The following FNDC3A variants were observed in gnomAD, a reference collection of about 807,000 sequenced individuals.
FNDC3A encodes the protein fibronectin type-III domain-containing protein 3A.
FNDC3A carries 32 observed loss-of-function variants against 148.9 expected under a neutral mutation model. That is an observed-to-expected ratio of 0.21 (90% confidence interval 0.16 to 0.29). The LOEUF (loss-of-function observed/expected upper bound fraction) is 0.29, where lower values mean the gene tolerates loss of function less well. Among genes scored for constraint, FNDC3A ranks in the 10% least tolerant of loss-of-function variants. The pLI, the probability that FNDC3A is intolerant of heterozygous loss-of-function variation, is 1.00. For missense variants in FNDC3A, 1,191 were observed against 1,452.8 expected (o/e 0.82, Z 2.93); for synonymous variants, 472 against 473.6 (o/e 1.00, Z 0.04).
intron 4 of FNDC3A, among the ~76,000 whole-genome samples, chr13:49,129,214 T>C (rs149555589): frequency 5.3e-5 from 8 of 152,328 alleles, no homozygotes; most frequent in South Asian, 4.1e-4. Context: ...AAGATTATTA[T>C]AGATTAAAGG....
chr13:49,201,208 CT>C (rs1205832662), intron 23 of FNDC3A: 3 of 288,588 alleles, frequency 1.0e-5, no homozygotes, highest in African/African-American at 6.7e-5. Flanking sequence ...TGATATTCAA[CT>C]TCATTGAACA....
intron 3 of FNDC3A, among the ~76,000 whole-genome samples, chr13:49,099,142 T>C (rs1879707651): frequency 1.3e-5 from 2 of 152,204 alleles, no homozygotes; most frequent in African/African-American, 4.8e-5. Flanking sequence ...ACATTTGTCT[T>C]GGATTTATCA....
At chr13:49,035,381 C>T (rs547107185) in intron 2 of FNDC3A, among the ~76,000 whole-genome samples, 1 of 152,008 alleles carries the variant, frequency 6.6e-6, no homozygotes, top group East Asian at 1.9e-4. Flanking sequence ...GATAATACCT[C>T]ATTATATTTT....
At chr13:49,008,383 G>T (rs1310799500) in intron 2 of FNDC3A, among the ~76,000 whole-genome samples, 1 of 152,156 alleles carries the variant, frequency 6.6e-6, no homozygotes, top group Non-Finnish European at 1.5e-5. Context: ...CCAAGTTATA[G>T]CTTACCTATG....
At chr13:49,008,634 T>G (rs1421361739) in intron 2 of FNDC3A, among the ~76,000 whole-genome samples, 1 of 152,186 alleles carries the variant, frequency 6.6e-6, no homozygotes, top group Non-Finnish European at 1.5e-5. Flanking sequence ...TATTTTCTGG[T>G]TTAGTACAGT....
At chr13:49,036,792 A>G (rs1874524888) in intron 2 of FNDC3A, among the ~76,000 whole-genome samples, 1 of 152,202 alleles carries the variant, frequency 6.6e-6, no homozygotes, top group Admixed American at 6.5e-5. Context: ...ATCTTGAAGG[A>G]TGAGTAGAGT....
At chr13:49,188,461 C>A in intron 16 of FNDC3A, 54 bp from the exon 17 acceptor site, 1 of 1,061,744 alleles carries the variant, frequency 9.4e-7, no homozygotes. Flanking sequence ...TCCATGATAC[C>A]AGAACGTTAA....
chr13:49,162,469 AG>A (rs1444322866), intron 8 of FNDC3A, among the ~76,000 whole-genome samples: 1 of 152,096 alleles, frequency 6.6e-6, no homozygotes, highest in Non-Finnish European at 1.5e-5. Flanking sequence ...AGATCATTTA[AG>A]GTCTTCTCTA....
chr13:49,101,137 T>C (rs915223195), intron 3 of FNDC3A, among the ~76,000 whole-genome samples: 5 of 152,164 alleles, frequency 3.3e-5, no homozygotes, highest in African/African-American at 9.6e-5. Flanking sequence ...GACAAAATTA[T>C]AGTTTCTAAT....
In FNDC3A at chr13:49,020,962, T is replaced by C. The variant is rs559039384; in HGVS notation, c.99+14673T>C. Among the ~76,000 whole-genome samples the C allele has an allele frequency of 1.9e-3, 296 of 152,286 alleles. 1 individual carries two copies. The highest frequency in any genetic ancestry group is 2.7e-3 in the Non-Finnish European group (186 of 68,020). The stretch of plus-strand genomic sequence containing the variant: ...AATGGATTAAATTTCAGGAAAAAGA[T>C]CTGATTCGAACCAGAGATGTAGAAA... On this transcript the variant is annotated intron_variant, in intron 2 of 25. Coordinates refer to ENST00000492622, the MANE Select transcript of FNDC3A (RefSeq NM_001079673.2).
chr13:48,980,935 G>A (rs1421022932), intron 1 of FNDC3A, among the ~76,000 whole-genome samples: 1 of 152,114 alleles, frequency 6.6e-6, no homozygotes, highest in African/African-American at 2.4e-5. Flanking sequence ...CAGAATCAGT[G>A]ATGCTTCTTT....
At position 49,149,393 on chromosome 13, in the gene FNDC3A, G is replaced by T. The variant is rs111466416; in HGVS notation, c.977+3458G>T. On this transcript the variant is annotated intron_variant, in intron 8 of 25. Transcript: ENST00000492622. ...ATGTCCCTTTAGTGCCTAGTTTGTT[G>T]AAAGATTTTATGAAGGGATGCTGAA... 6.5e-3 allele frequency among the ~76,000 whole-genome samples: 983 copies of T among 152,026 alleles called. 13 individuals carry two copies. Among genetic ancestry groups the T allele is most frequent in the African/African-American group, 0.023 (934 of 41,476 alleles).
rs1231985235 is a variant in FNDC3A at position 49,111,725 on chromosome 13, C to CAA, written c.176-2913_176-2912dup. On this transcript the variant is annotated intron_variant, in intron 3 of 25. Coordinates refer to ENST00000492622, the MANE Select transcript of FNDC3A (RefSeq NM_001079673.2). Reference sequence around the variant, plus strand: ...TGGGCAACAGAGTAAAACTCCGTCTCAAAAAAAAAAAAAAAAAATCTAACC... The same window carrying CAA: ...TGGGCAACAGAGTAAAACTCCGTCTCAAAAAAAAAAAAAAAAAAAATCTAACC... 5.7e-3 allele frequency among the ~76,000 whole-genome samples: 473 copies of CAA among 83,050 alleles called. 1 individual carries two copies. The highest frequency in any genetic ancestry group is 0.019 in the African/African-American group (427 of 22,660). 54.5% of individuals were successfully genotyped at this position (83,050 alleles called of 152,430 possible).
intron 3 of FNDC3A, among the ~76,000 whole-genome samples, chr13:49,077,784 T>C (rs143417057): frequency 6.6e-6 from 1 of 152,338 alleles, no homozygotes; most frequent in East Asian, 1.9e-4. Flanking sequence ...ATCCCACAAC[T>C]TAAAGTAAAA....
At chr13:49,116,602 C>T (rs1880977314) in intron 4 of FNDC3A, among the ~76,000 whole-genome samples, 1 of 152,012 alleles carries the variant, frequency 6.6e-6, no homozygotes, top group South Asian at 2.1e-4. Context: ...CGAGACCAGC[C>T]TGGTGAAACC....
At chr13:49,138,722 T>C (rs1882521065) in intron 6 of FNDC3A, 25 bp from the exon 7 acceptor site, 1 of 1,168,706 alleles carries the variant, frequency 8.6e-7, no homozygotes. Flanking sequence ...TTTTTTTAAA[T>C]ATTCAAATGT....
rs773434771 is a variant in FNDC3A, at chr13:49,187,087, T to TA, written c.1757-34dup. 8.0e-6 allele frequency: 12 copies of TA among 1,492,764 alleles called. No individual in the cohort carries two copies. The South Asian group carries it at 1.3e-4, about 16-fold the overall frequency. 92.5% of individuals were successfully genotyped at this position (1,492,764 alleles called of 1,614,324 possible). A position where few individuals can be genotyped will look rare whatever the true frequency, so the allele number is the denominator to read the frequency against. On this transcript the variant is annotated intron_variant, in intron 15 of 25. Transcript: ENST00000492622. ...TTTTTATCATTTTTATGTTGTTTTGTACCTTGCCTAATACTACTTTGCTTC... is the reference window on the plus strand; with the variant it reads ...TTTTTATCATTTTTATGTTGTTTTGTAACCTTGCCTAATACTACTTTGCTTC...
intron 3 of FNDC3A, among the ~76,000 whole-genome samples, chr13:49,101,495 T>G (rs956849131): frequency 1.3e-5 from 2 of 152,178 alleles, no homozygotes; most frequent in African/African-American, 4.8e-5. Context: ...ACTCTTTGTT[T>G]AGCTGAACGA....
At chr13:49,161,043 T>C (rs1477468765) in intron 8 of FNDC3A, among the ~76,000 whole-genome samples, 1 of 152,214 alleles carries the variant, frequency 6.6e-6, no homozygotes. Context: ...CTTCCAACTA[T>C]GTGGTCAGTT....
Sources: allele counts gnomAD v4.1 joint callset (sites outside exome capture counted in the v4.1 genomes callset), GRCh38; gene constraint gnomAD v4.1.1; transcripts MANE v1.5; gene names NCBI Gene and HGNC (gene_info 2026-07-23, HGNC 2026-07-21).